Variants in NCOA7 observed in about 807,000 individuals in gnomAD.
The protein encoded by NCOA7 is 140 kDa estrogen receptor-associated protein.
Under a neutral mutation model 104.3 loss-of-function variants are expected in NCOA7, and 45 were observed. The observed-to-expected ratio is 0.43, with a 90% CI of 0.34 to 0.55. The LOEUF is 0.55. Among genes scored for constraint, NCOA7 ranks in the 20% least tolerant of loss-of-function variants. The probability of loss-of-function intolerance (pLI) is 0.02; values close to 1 mark genes in which losing one functional copy is unlikely to be tolerated. For missense variants in NCOA7, 1,041 were observed against 1,119.7 expected, an observed-to-expected ratio of 0.93 and a Z score of 1.00; for synonymous variants, 398 against 402.3, an observed-to-expected ratio of 0.99 and a Z score of 0.13.
intron 11 of NCOA7, among the ~76,000 whole-genome samples, 176 bp downstream of exon 11, chr6:125,915,656 C>A (rs539933917): frequency 2.0e-5 from 3 of 152,084 alleles, no homozygotes; most frequent in Non-Finnish European, 4.4e-5. Flanking sequence ...CCAGCACCAC[C>A]GCTATGTACA....
At chr6:125,825,174 CAAAA>C (rs60707053) in intron 2 of NCOA7, among the ~76,000 whole-genome samples, 1 of 54,090 alleles carries the variant, frequency 1.8e-5, no homozygotes, top group African/African-American at 6.2e-5. Context: ...CCTGTCTCTA[CAAAA>C]AAAAAAAAAA....
intron 10 of NCOA7, among the ~76,000 whole-genome samples, chr6:125,896,425 A>G (rs1785023179): frequency 6.6e-6 from 1 of 152,346 alleles, no homozygotes; most frequent in East Asian, 1.9e-4. Context: ...CACTTTTTAT[A>G]TAACATCTGT....
Position 125,799,667 on chromosome 6 carries a change from C to T in NCOA7, c.-65+8600C>T, listed in dbSNP as rs994347033. Among the ~76,000 whole-genome samples, 4 of 152,078 alleles carry T rather than the reference C, an allele frequency of 2.6e-5. No homozygotes were observed. In the South Asian group the frequency reaches 8.3e-4, roughly 32 times the overall value. On this transcript the variant is annotated intron_variant, in intron 1 of 15. Coordinates refer to ENST00000392477, the MANE Select transcript of NCOA7 (RefSeq NM_181782.5). ...TGGTTGGTCAGGCTGGTCTCGAACTCCTGGCCTCAAATGATCCGCCCTCCT... is the reference window on the plus strand; with the variant it reads ...TGGTTGGTCAGGCTGGTCTCGAACTTCTGGCCTCAAATGATCCGCCCTCCT...
At chr6:125,854,893 A>ATAT in intron 2 of NCOA7, 127 bp from the exon 3 acceptor site, 1 of 630,734 alleles carries the variant, frequency 1.6e-6, no homozygotes, top group East Asian at 2.7e-5. Flanking sequence ...GTAATGAACC[A>ATAT]TATTATAAGG....
chr6:125,922,834 G>A lies in NCOA7; in HGVS notation c.2523G>A (p.Gln841=). Residue 841 remains glutamine, a splice_region_variant and synonymous_variant, in exon 13 of 16, where the codon CAG becomes CAA. Transcript: ENST00000392477. ...TGGTCATCAAAGATATGGATAATCAGGTGAGGCCTGTCCCTCTCATAAAGA... is the reference window on the plus strand; with the variant it reads ...TGGTCATCAAAGATATGGATAATCAAGTGAGGCCTGTCCCTCTCATAAAGA... ...VLLVIKDMDN[Q]IFGAYATHPF... 2 of 1,613,840 alleles carry A rather than the reference G, an allele frequency of 1.2e-6. No homozygotes were observed. The highest frequency in any genetic ancestry group is 1.1e-5 in the South Asian group (1 of 91,046).
intron 1 of NCOA7, among the ~76,000 whole-genome samples, chr6:125,795,494 A>T (rs1005399162): frequency 6.6e-6 from 1 of 152,134 alleles, no homozygotes; most frequent in Non-Finnish European, 1.5e-5. Context: ...GTGACATTTT[A>T]TGCATATGCA....
chr6:125,794,707 G>A (rs1775139397), intron 1 of NCOA7, among the ~76,000 whole-genome samples: 1 of 152,090 alleles, frequency 6.6e-6, no homozygotes, highest in South Asian at 2.1e-4. Context: ...TTAGCCAAAT[G>A]GAAAACAATG....
chr6:125,910,848 A>G (rs1459602468), intron 10 of NCOA7, among the ~76,000 whole-genome samples: 1 of 152,228 alleles, frequency 6.6e-6, no homozygotes, highest in Non-Finnish European at 1.5e-5. Context: ...TTAGTAAAGT[A>G]CTATGTAGCT....
At position 125,889,787 on chromosome 6, in the gene NCOA7, C is replaced by T; in HGVS notation, c.1733C>T (p.Pro578Leu). 1.9e-6 allele frequency: 3 copies of T among 1,611,510 alleles called. No individual in the cohort carries two copies. The highest frequency in any genetic ancestry group is 2.5e-6 in the Non-Finnish European group (3 of 1,179,246). The change falls in exon 9 of 16, where the codon CCA (proline) becomes CTA (leucine). Residue 578 changes from proline (P) to leucine (L), a missense_variant. Transcript: ENST00000392477. ...CCCATAACTGAGGGCAATAAAGAGC[C>T]AGATAAGACCTGGGTGAAAAAGGGA... ...GDPITEGNKEPDKTWVKKGEP... is the reference protein window; with the variant it reads ...GDPITEGNKELDKTWVKKGEP...
At chr6:125,846,380 A>G (rs1780618357) in intron 2 of NCOA7, among the ~76,000 whole-genome samples, 1 of 144,928 alleles carries the variant, frequency 6.9e-6, no homozygotes, top group South Asian at 2.2e-4. Context: ...TTTTTTTTTT[A>G]ATCAAAACAA....
chr6:125,921,289 A>G (rs1235222704), intron 12 of NCOA7, among the ~76,000 whole-genome samples: 2 of 152,180 alleles, frequency 1.3e-5, no homozygotes, highest in African/African-American at 4.8e-5. Context: ...ACATGCCTCT[A>G]ATCCCAGCTA....
intron 3 of NCOA7, among the ~76,000 whole-genome samples, chr6:125,864,288 AG>A (rs1782266025): frequency 7.2e-6 from 1 of 138,012 alleles, no homozygotes; most frequent in African/African-American, 3.0e-5. Flanking sequence ...ACAGTAAAAA[AG>A]TCGGTTGACA....
At chr6:125,856,205 G>A (rs1306140929) in intron 3 of NCOA7, among the ~76,000 whole-genome samples, 1 of 152,108 alleles carries the variant, frequency 6.6e-6, no homozygotes, top group South Asian at 2.1e-4. Flanking sequence ...ACTGAGAGCA[G>A]TGTCTGAGAA....
rs1228777828 is a variant in NCOA7, at chr6:125,919,432, G to GT, written c.2245-1510dup. ...ACCTGACGAAGAGCCTTTTGTGAAG[G>GT]TATGTTGGAGTGCGTCCCGAGGGCT... is the stretch of plus-strand genomic sequence containing the variant. On this transcript the variant is annotated intron_variant, in intron 11 of 15. Transcript: ENST00000392477. 1.9e-6 allele frequency: 3 copies of GT among 1,612,512 alleles called. No homozygotes were observed. In the African/African-American group the frequency reaches 4.0e-5, roughly 22 times the overall value.
upstream of NCOA7, among the ~76,000 whole-genome samples, chr6:125,790,356 C>T (rs1195552707): frequency 6.6e-6 from 1 of 152,240 alleles, no homozygotes; most frequent in African/African-American, 2.4e-5. Flanking sequence ...AAGGGGGAAG[C>T]GGCCCGGGGT....
chr6:125,829,185 T>G (rs1042894566), intron 2 of NCOA7, among the ~76,000 whole-genome samples: 3 of 152,118 alleles, frequency 2.0e-5, no homozygotes, highest in Non-Finnish European at 4.4e-5. Context: ...TTTATAACCA[T>G]TGGTAACAAA....
At chr6:125,839,393 CAAGAGTCAGCCACTGCGCGAGGCCT>C (rs1295704300) in intron 2 of NCOA7, among the ~76,000 whole-genome samples, 4 of 152,146 alleles carry the variant, frequency 2.6e-5, no homozygotes, top group African/African-American at 9.7e-5. Flanking sequence ...GCTGGGATTA[CAAGAGTCAGCCACTGCGCGAGGCCT>C]AGGCCTTAGT....
chr6:125,835,229 C>T (rs1583329755), intron 2 of NCOA7, among the ~76,000 whole-genome samples: 1 of 152,148 alleles, frequency 6.6e-6, no homozygotes, highest in African/African-American at 2.4e-5. Context: ...ATAAAGACTG[C>T]TAAGTTTCCA....
At chr6:125,812,870 T>C (rs1777165818) in intron 1 of NCOA7, among the ~76,000 whole-genome samples, 2 of 151,994 alleles carry the variant, frequency 1.3e-5, no homozygotes, top group African/African-American at 4.8e-5. Context: ...TTACTTTCCT[T>C]GTTATCTACA....
Sources: gnomAD v4.1 joint callset for allele counts (sites outside exome capture counted in the v4.1 genomes callset) on GRCh38, gnomAD v4.1.1 for gene constraint, MANE v1.5 for transcripts, NCBI Gene and HGNC (gene_info 2026-07-23, HGNC 2026-07-21) for gene names.